Variants in JAK2 observed in about 807,000 individuals in gnomAD.
JAK2 encodes the protein Janus kinase 2.
JAK2 carries 86 observed loss-of-function variants against 139.3 expected under a neutral mutation model. The ratio of observed to expected loss-of-function variants is 0.62; its 90% CI spans 0.52 to 0.74. The LOEUF is 0.74. JAK2 is among the 30% of genes least tolerant of loss of function. JAK2 has a pLI of 0.00. For synonymous variants in JAK2, 490 were observed against 437.7 expected, an observed-to-expected ratio of 1.12 and a Z score of -1.49; for missense variants, 1,421 against 1,360.3, an observed-to-expected ratio of 1.04 and a Z score of -0.70.
At chr9:5,087,066 T>C (rs771541313) in intron 19 of JAK2, among the ~76,000 whole-genome samples, 34 of 152,350 alleles carry the variant, frequency 2.2e-4, no homozygotes, top group Middle Eastern at 6.8e-3. Flanking sequence ...TTTATTGTTT[T>C]CATTGAAAAT....
In JAK2 at chr9:5,021,738, G is replaced by C. The variant is rs10974919; in HGVS notation, c.-25-225G>C. Among the ~76,000 whole-genome samples, 3 of 152,096 alleles carry C rather than the reference G, an allele frequency of 2.0e-5. No homozygotes were observed. The East Asian group carries it at 5.8e-4, about 29-fold the overall frequency. On this transcript the variant is annotated intron_variant, in intron 2 of 24. Coordinates refer to ENST00000381652, the MANE Select transcript of JAK2 (RefSeq NM_004972.4). ...CCTCCCAGGTTCAAGCAATTCTTCC[G>C]CTCCACTCCCAGAGTAGCTAGGACT...
At chr9:5,024,911 G>C (rs187301750) in intron 3 of JAK2, among the ~76,000 whole-genome samples, 84 of 152,284 alleles carry the variant, frequency 5.5e-4, no homozygotes, top group Middle Eastern at 3.4e-3. Context: ...TTTCACACTG[G>C]GAGCACCAAT....
chr9:5,052,401 G>A (rs1817476893), intron 6 of JAK2, among the ~76,000 whole-genome samples: 1 of 151,490 alleles, frequency 6.6e-6, no homozygotes. Flanking sequence ...GCAAAATGCT[G>A]CATCATTTTT....
chr9:5,081,777 C>T lies in JAK2; in HGVS notation c.2487C>T (p.Ala829=). The T allele has an allele frequency of 6.2e-7, 1 of 1,605,192 alleles. No individual in the cohort carries two copies. The change falls in exon 19 of 25, where the codon GCC becomes GCT. Residue 829 remains alanine, a synonymous_variant. Transcript: ENST00000381652. ...NDMLPNMRIG[A]LGFSGAFEDR... is the part of the protein sequence containing the mutation. ...TGTTACCAAATATGAGGATAGGTGC[C>T]CTGGGGTTTTCTGGTGCCTTTGAAG...
Position 5,054,451 on chromosome 9 carries a change from T to C in JAK2, c.615-112T>C, listed in dbSNP as rs1032728663. 2.4e-6 allele frequency: 2 copies of C among 830,944 alleles called. No individual in the cohort carries two copies. Among genetic ancestry groups the C allele is most frequent in the African/African-American group, 3.4e-5 (2 of 58,304 alleles). 51.5% of individuals were successfully genotyped at this position (830,944 alleles called of 1,614,324 possible). A position where few individuals can be genotyped will look rare whatever the true frequency, so the allele number is the denominator to read the frequency against. On this transcript the variant is annotated intron_variant, in intron 6 of 24. Transcript: ENST00000381652. The surrounding 1 kb of genome is among the most constrained non-coding windows in gnomAD (Gnocchi z 4.9). ...AACTTACGCCACTTGGCCACTGTGT[T>C]GTAAGGCCTACTTAATCATGGAAAA... is the stretch of plus-strand genomic sequence containing the variant.
intron 22 of JAK2, among the ~76,000 whole-genome samples, chr9:5,105,410 C>G (rs1381568306): frequency 6.6e-6 from 1 of 152,106 alleles, no homozygotes; most frequent in East Asian, 1.9e-4. Context: ...CAATGAAATA[C>G]AAGAGGACAC....
At chr9:5,001,434 A>G (rs1587809013) in intron 2 of JAK2, among the ~76,000 whole-genome samples, 1 of 152,122 alleles carries the variant, frequency 6.6e-6, no homozygotes, top group South Asian at 2.1e-4. Context: ...TCCTGCAACA[A>G]TTGGGACGAT....
chr9:4,989,995 C>T (rs1820152427), intron 2 of JAK2, among the ~76,000 whole-genome samples: 1 of 152,110 alleles, frequency 6.6e-6, no homozygotes, highest in African/African-American at 2.4e-5. Context: ...CAAAGCAGCA[C>T]CAGTGCTAGG....
intron 23 of JAK2, 200 bp from the exon 24 acceptor site, chr9:5,126,133 G>T: frequency 2.1e-6 from 1 of 472,298 alleles, no homozygotes; most frequent in Non-Finnish European, 3.7e-6. Context: ...GTTTATTACA[G>T]CTATGGAAAT....
rs777015472 is a variant in JAK2 at position 5,066,740 on chromosome 9, G to A, written c.1277G>A (p.Arg426Gln). The change falls in exon 10 of 25, where the codon CGA becomes CAA. Residue 426 changes from arginine (R) to glutamine (Q), a missense_variant. Coordinates refer to ENST00000381652, the MANE Select transcript of JAK2 (RefSeq NM_004972.4). ...AGNQTGLYVL[R>Q]CSPKDFNKYF... Reference sequence around the variant, plus strand: ...AATCAGACTGGACTGTATGTACTTCGATGCAGTCCTAAGGACTTTAATAAA... The same window carrying A: ...AATCAGACTGGACTGTATGTACTTCAATGCAGTCCTAAGGACTTTAATAAA... The A allele has an allele frequency of 4.4e-6, 7 of 1,605,382 alleles. No homozygotes were observed. Among genetic ancestry groups the A allele is most frequent in the African/African-American group, 1.3e-5 (1 of 74,318 alleles).
At chr9:5,050,039 C>A (rs1817303979) in intron 5 of JAK2, among the ~76,000 whole-genome samples, 1 of 152,104 alleles carries the variant, frequency 6.6e-6, no homozygotes, top group African/African-American at 2.4e-5. Flanking sequence ...TTCTTTGTAT[C>A]CAACACCACT....
chr9:5,090,528 A>G lies in JAK2; in HGVS notation c.2844A>G (p.Ile948Met). Residue 948 changes from isoleucine (I) to methionine (M), a missense_variant, in exon 21 of 25, where the codon ATA becomes ATG. Transcript: ENST00000381652. ...RDYLQKHKER[I>M]DHIKLLQYTS... ...ATCTTCAAAAACATAAAGAACGGATAGATCACATAAAACTTCTGCAGTACA... is the reference window on the plus strand; with the variant it reads ...ATCTTCAAAAACATAAAGAACGGATGGATCACATAAAACTTCTGCAGTACA... 1 of 1,597,172 alleles carries G rather than the reference A, an allele frequency of 6.3e-7. No individual in the cohort carries two copies. Among genetic ancestry groups the G allele is most frequent in the Non-Finnish European group, 8.5e-7 (1 of 1,171,572 alleles).
At chr9:5,013,309 G>A (rs10815145) in intron 2 of JAK2, among the ~76,000 whole-genome samples, 51,503 of 151,914 alleles carry the variant, frequency 0.34, 9,435 homozygotes, top group African/African-American at 0.49. Context: ...AAGTAGTATA[G>A]GAATAATTGT....
Position 5,074,088 on chromosome 9 carries a change from T to G in JAK2, c.1864+303T>G, listed in dbSNP as rs190542758. ...AGATTATGGCAGGTTCAACATAACA[T>G]TGGAATAACTGGCCTTTTCAGTACA... On this transcript the variant is annotated intron_variant, in intron 14 of 24. Coordinates refer to ENST00000381652, the MANE Select transcript of JAK2 (RefSeq NM_004972.4). Among the ~76,000 whole-genome samples, 66 of 152,244 alleles carry G rather than the reference T, an allele frequency of 4.3e-4. 1 individual carries two copies. The East Asian group carries it at 0.012, about 28-fold the overall frequency.
chr9:5,085,809 A>G (rs1327604717), intron 19 of JAK2: 1 of 758,212 alleles, frequency 1.3e-6, no homozygotes, highest in East Asian at 2.5e-5. Context: ...CATTAGTACC[A>G]CAATAATTGA....
chr9:5,031,062 T>C (rs763466841), intron 4 of JAK2, among the ~76,000 whole-genome samples: 7 of 152,052 alleles, frequency 4.6e-5, no homozygotes, highest in Admixed American at 3.3e-4. Context: ...ATAGGAAAAT[T>C]AGAAAGTTAT....
intron 2 of JAK2, among the ~76,000 whole-genome samples, chr9:4,989,788 T>C (rs1820144518): frequency 6.6e-6 from 1 of 152,188 alleles, no homozygotes; most frequent in Non-Finnish European, 1.5e-5. Context: ...CAGAGAGCAG[T>C]ACATAAATAA....
At position 5,044,439 on chromosome 9, in the gene JAK2, C is replaced by G; in HGVS notation, c.387C>G (p.Asn129Lys). 3.1e-6 allele frequency: 5 copies of G among 1,613,116 alleles called. No individual in the cohort carries two copies. Among genetic ancestry groups the G allele is most frequent in the Non-Finnish European group, 4.2e-6 (5 of 1,179,414 alleles). ...CTCGTTGGTATTGCAGTGGCAGCAA[C>G]AGAGCCTATCGGCATGGAATATCTC... ...YFPRWYCSGS[N>K]RAYRHGISRG... Residue 129 changes from asparagine to lysine, a missense_variant, in exon 5 of 25, where the codon AAC (asparagine) becomes AAG (lysine). Asn to Lys is a moderately conservative substitution (Grantham distance 94). Coordinates refer to ENST00000381652, the MANE Select transcript of JAK2 (RefSeq NM_004972.4).
intron 8 of JAK2, among the ~76,000 whole-genome samples, chr9:5,062,435 T>C (rs1035852156): frequency 6.9e-6 from 1 of 145,694 alleles, no homozygotes; most frequent in Non-Finnish European, 1.5e-5. Context: ...GCATATGCTA[T>C]TGGAAAAATT....
Sources: gnomAD v4.1 joint callset for allele counts (sites outside exome capture counted in the v4.1 genomes callset) on GRCh38, gnomAD v4.1.1 for gene constraint, Gnocchi (gnomAD v3.1) non-coding constraint, MANE v1.5 for transcripts, NCBI Gene and HGNC (gene_info 2026-07-23, HGNC 2026-07-21) for gene names.